Variants in TENM4 observed in about 807,000 individuals in gnomAD.
TENM4 encodes the protein teneurin-4.
Under a neutral mutation model 243.3 loss-of-function variants are expected in TENM4, and 82 were observed. The ratio of observed to expected loss-of-function variants is 0.34; its 90% confidence interval spans 0.28 to 0.40. The LOEUF is 0.40. Ranked by LOEUF, TENM4 falls within the 10% of genes least tolerant of loss-of-function variation. TENM4 has a pLI of 1.00. For missense variants in TENM4, 3,138 were observed against 3,673.3 expected, an observed-to-expected ratio of 0.85 and a Z score of 3.77; for synonymous variants, 1,412 against 1,456.3, an observed-to-expected ratio of 0.97 and a Z score of 0.69.
chr11:79,432,166 T>G (rs1424680254), intron 1 of TENM4, among the ~76,000 whole-genome samples: 2 of 152,242 alleles, frequency 1.3e-5, no homozygotes, highest in Admixed American at 6.5e-5. Flanking sequence ...TAAATATTTA[T>G]GAAGTAAAAA....
At position 79,034,936 on chromosome 11, in the gene TENM4, T is replaced by C. The variant is rs538976113; in HGVS notation, c.493+29802A>G. Among the ~76,000 whole-genome samples, 51 of 152,306 alleles carry C rather than the reference T, an allele frequency of 3.3e-4. 1 individual carries two copies. The highest frequency in any genetic ancestry group is 1.2e-3 in the African/African-American group (49 of 41,578). ...CTGTGCTCAACAGGATCCCAGAGGC[T>C]ACTGGAGGGGGTCTGAGGAGCTACA... On this transcript the variant is annotated intron_variant, in intron 6 of 33. Coordinates refer to ENST00000278550, the MANE Select transcript of TENM4 (RefSeq NM_001098816.3).
At position 78,676,114 on chromosome 11, in the gene TENM4, C is replaced by T. The variant is rs1184279268; in HGVS notation, c.5496+38G>A. Reference sequence around the variant, plus strand: ...CCCGTTCTCCCGTTCCCCATTCTTTCCCCCCAGGACGCAGCCACCTCCAGA... The same window carrying T: ...CCCGTTCTCCCGTTCCCCATTCTTTTCCCCCAGGACGCAGCCACCTCCAGA... On this transcript the variant is annotated intron_variant, in intron 30 of 33. Transcript: ENST00000278550. The T allele has an allele frequency of 4.2e-6, 6 of 1,429,248 alleles. No homozygotes were observed. In the African/African-American group the frequency reaches 4.3e-5, roughly 10 times the overall value. 88.5% of individuals were successfully genotyped at this position (1,429,248 alleles called of 1,614,324 possible). A position where few individuals can be genotyped will look rare whatever the true frequency, so the allele number is the denominator to read the frequency against.
chr11:79,302,169 T>A (rs1004395891), intron 1 of TENM4, among the ~76,000 whole-genome samples: 7 of 152,206 alleles, frequency 4.6e-5, no homozygotes, highest in Non-Finnish European at 7.3e-5. Flanking sequence ...ACTTCAAGGA[T>A]CAAGCAATCA....
At chr11:78,822,958 C>T (rs549758680) in intron 12 of TENM4, among the ~76,000 whole-genome samples, 1 of 152,300 alleles carries the variant, frequency 6.6e-6, no homozygotes, top group East Asian at 1.9e-4. Context: ...CATTATCATC[C>T]ATCCCTTGAT....
intron 4 of TENM4, among the ~76,000 whole-genome samples, chr11:79,108,627 G>A (rs80315342): frequency 0.022 from 3,280 of 152,138 alleles, 115 homozygotes; most frequent in African/African-American, 0.075. Context: ...TAGCATCACC[G>A]ATGAGCATAA....
At chr11:79,358,013 A>ATT (rs1366338271) in intron 1 of TENM4, among the ~76,000 whole-genome samples, 2 of 152,334 alleles carry the variant, frequency 1.3e-5, no homozygotes, top group Middle Eastern at 3.4e-3. Context: ...ACTTTGAAAT[A>ATT]TTAACGTCGT....
intron 6 of TENM4, among the ~76,000 whole-genome samples, chr11:78,968,956 C>T (rs777488712): frequency 6.6e-5 from 10 of 152,182 alleles, no homozygotes; most frequent in African/African-American, 4.8e-5. Context: ...AGCCCAATGT[C>T]GCTGCTGGCT....
intron 15 of TENM4, among the ~76,000 whole-genome samples, chr11:78,803,025 TTTTTC>T (rs1364494685): frequency 4.6e-5 from 7 of 152,032 alleles, no homozygotes; most frequent in Non-Finnish European, 1.0e-4. Flanking sequence ...GCCAAATCTT[TTTTTC>T]TTTTCTTTTT....
intron 3 of TENM4, among the ~76,000 whole-genome samples, chr11:79,184,650 G>T (rs1402071557): frequency 2.0e-5 from 3 of 152,148 alleles, no homozygotes; most frequent in Non-Finnish European, 2.9e-5. Context: ...TTCCACTTAT[G>T]TGAGGTACCT....
chr11:79,267,019 C>T (rs1290002063), intron 2 of TENM4, among the ~76,000 whole-genome samples: 1 of 152,116 alleles, frequency 6.6e-6, no homozygotes, highest in Non-Finnish European at 1.5e-5. Context: ...AACAAAGCTC[C>T]TCATCTTCTC....
At chr11:78,726,838 T>G (rs1361990979) in intron 22 of TENM4, among the ~76,000 whole-genome samples, 1 of 152,236 alleles carries the variant, frequency 6.6e-6, no homozygotes, top group Non-Finnish European at 1.5e-5. Flanking sequence ...CTGTACAGCC[T>G]GCAGAATCAT....
intron 3 of TENM4, among the ~76,000 whole-genome samples, chr11:79,176,084 C>T (rs1863153334): frequency 6.6e-6 from 1 of 152,018 alleles, no homozygotes; most frequent in Admixed American, 6.6e-5. Flanking sequence ...AGAGGAAGAC[C>T]CTGCCTCAAA....
chr11:78,857,038 A>G (rs1371666204), intron 10 of TENM4, among the ~76,000 whole-genome samples: 1 of 152,140 alleles, frequency 6.6e-6, no homozygotes, highest in African/African-American at 2.4e-5. Context: ...AAGGCAGCTT[A>G]TCAAACTCCT....
chr11:78,752,002 G>A (rs781674757), intron 19 of TENM4, among the ~76,000 whole-genome samples: 19 of 152,194 alleles, frequency 1.2e-4, no homozygotes, highest in Admixed American at 2.6e-4. Context: ...GAGAATGGTG[G>A]TATTCAAACC....
At chr11:78,847,307 T>C (rs1391390246) in intron 12 of TENM4, among the ~76,000 whole-genome samples, 2 of 152,248 alleles carry the variant, frequency 1.3e-5, no homozygotes, top group African/African-American at 4.8e-5. Flanking sequence ...TCTTCTTTCC[T>C]GCCCTTGCAA....
intron 17 of TENM4, among the ~76,000 whole-genome samples, chr11:78,774,947 G>T (rs1856711764): frequency 6.6e-6 from 1 of 152,042 alleles, no homozygotes; most frequent in Non-Finnish European, 1.5e-5. Context: ...TTCCAGGAAG[G>T]GTTTAAAATA....
chr11:78,698,909 A>T (rs1859038050), intron 28 of TENM4, among the ~76,000 whole-genome samples: 2 of 152,148 alleles, frequency 1.3e-5, no homozygotes, highest in Non-Finnish European at 2.9e-5. Context: ...TTTCCAGCCG[A>T]CTTTGGATAT....
chr11:78,797,203 C>T (rs975254842), intron 15 of TENM4, among the ~76,000 whole-genome samples: 3 of 152,164 alleles, frequency 2.0e-5, no homozygotes, highest in South Asian at 2.1e-4. Context: ...GAGCAAGTCA[C>T]GCAAGTTCTC....
At chr11:78,836,377 A>C (rs1208420062) in intron 12 of TENM4, among the ~76,000 whole-genome samples, 2 of 152,148 alleles carry the variant, frequency 1.3e-5, no homozygotes, top group African/African-American at 4.8e-5. Context: ...AACAAGAAAA[A>C]AACCTTTCAG....
Sources: gnomAD v4.1 joint callset for allele counts (sites outside exome capture counted in the v4.1 genomes callset) on GRCh38, gnomAD v4.1.1 for gene constraint, MANE v1.5 for transcripts, NCBI Gene and HGNC (gene_info 2026-07-23, HGNC 2026-07-21) for gene names.